Variants in PTPRD observed in about 807,000 individuals in gnomAD.
PTPRD encodes the protein receptor-type tyrosine-protein phosphatase delta.
A neutral mutation model predicts 214.5 loss-of-function variants in PTPRD; 34 were observed. The ratio of observed to expected loss-of-function variants is 0.16; its 90% CI spans 0.12 to 0.21. The LOEUF (loss-of-function observed/expected upper bound fraction) is 0.21, where lower values mean the gene tolerates loss of function less well. Ranked by LOEUF, PTPRD falls within the 10% of genes least tolerant of loss-of-function variation. PTPRD has a pLI of 1.00. For synonymous variants in PTPRD, 1,128 were observed against 845.7 expected (o/e 1.33, Z -5.79); for missense variants, 2,545 against 2,398.7 (o/e 1.06, Z -1.27).
At chr9:9,297,005 A>C (rs1035557483) in intron 9 of PTPRD, among the ~76,000 whole-genome samples, 2 of 151,772 alleles carry the variant, frequency 1.3e-5, no homozygotes, top group Admixed American at 6.6e-5. Flanking sequence ...CTGCACCTTT[A>C]AGCAGACTGA....
At chr9:10,239,904 C>T (rs1286606167) in intron 3 of PTPRD, among the ~76,000 whole-genome samples, 1 of 151,720 alleles carries the variant, frequency 6.6e-6, no homozygotes, top group African/African-American at 2.4e-5. Flanking sequence ...CCTTTTTCCC[C>T]AAAGCCAGCT....
chr9:9,233,378 T>G lies in PTPRD; in HGVS notation c.-202-50015A>C, dbSNP rs188692963. ...CCCAACAGGTCCCTTCCACAACATG[T>G]GGAAATTATGGGAACTACAATTCAA... On this transcript the variant is annotated intron_variant, in intron 9 of 45. Transcript: ENST00000381196. Among the ~76,000 whole-genome samples, 154 of 152,268 alleles carry G rather than the reference T, an allele frequency of 1.0e-3. 1 individual carries two copies. Among genetic ancestry groups the G allele is most frequent in the Admixed American group, 2.1e-3 (32 of 15,300 alleles).
chr9:8,348,351 T>C (rs1461857213), intron 39 of PTPRD, among the ~76,000 whole-genome samples: 2 of 152,170 alleles, frequency 1.3e-5, no homozygotes, highest in African/African-American at 4.8e-5. Flanking sequence ...TATGCATGGA[T>C]GCCACTTTTT....
chr9:8,315,563 C>A lies in PTPRD; in HGVS notation c.*2311G>T, dbSNP rs1821197583. 4.3e-6 allele frequency: 1 copy of A among 231,104 alleles called. No homozygotes were observed. Among genetic ancestry groups the A allele is most frequent in the East Asian group, 6.1e-5 (1 of 16,332 alleles). The allele number at this position is 231,104 out of a possible 1,614,324, so 14.3% of individuals were successfully genotyped here. A position where few individuals can be genotyped will look rare whatever the true frequency, so the allele number is the denominator to read the frequency against. On this transcript the variant is annotated 3_prime_UTR_variant, in exon 46 of 46. Coordinates refer to ENST00000381196, the MANE Select transcript of PTPRD (RefSeq NM_002839.4). ...ATAACAGACCCACATAGTGCACATT[C>A]TTCTCTGGTTCTGATGTAGGTTAGA...
intron 11 of PTPRD, among the ~76,000 whole-genome samples, chr9:8,774,506 CA>C (rs200404196): frequency 0.045 from 6,664 of 147,526 alleles, 409 homozygotes; most frequent in African/African-American, 0.14. Flanking sequence ...CACGCATAAC[CA>C]AAATGCATGT....
intron 9 of PTPRD, among the ~76,000 whole-genome samples, chr9:9,356,035 A>G (rs1459283294): frequency 6.6e-6 from 1 of 151,448 alleles, no homozygotes; most frequent in African/African-American, 2.4e-5. Context: ...GGTGACATTG[A>G]CAAGTTTTAG....
intron 10 of PTPRD, among the ~76,000 whole-genome samples, chr9:9,168,916 G>C (rs1444849970): frequency 1.3e-5 from 2 of 151,268 alleles, no homozygotes; most frequent in Non-Finnish European, 1.5e-5. Context: ...TAGTGAAGTA[G>C]AATGAAAATT....
chr9:8,500,136 G>A (rs1358068845), intron 24 of PTPRD, among the ~76,000 whole-genome samples: 1 of 151,156 alleles, frequency 6.6e-6, no homozygotes, highest in Non-Finnish European at 1.5e-5. Context: ...CAAGGAAGAT[G>A]CTTTGAGGTT....
At chr9:10,573,129 C>A (rs948532212) in intron 2 of PTPRD, among the ~76,000 whole-genome samples, 1 of 151,998 alleles carries the variant, frequency 6.6e-6, no homozygotes, top group East Asian at 1.9e-4. Flanking sequence ...ATACGTGATG[C>A]CTCCAACACC....
chr9:10,166,399 A>T (rs927806788), intron 3 of PTPRD, among the ~76,000 whole-genome samples: 3 of 151,898 alleles, frequency 2.0e-5, no homozygotes, highest in South Asian at 2.1e-4. Flanking sequence ...TTTACTTAAA[A>T]CATCATTTTC....
At chr9:8,389,872 T>G (rs1178686248) in intron 36 of PTPRD, among the ~76,000 whole-genome samples, 1 of 152,202 alleles carries the variant, frequency 6.6e-6, no homozygotes, top group Non-Finnish European at 1.5e-5. Flanking sequence ...AGGAAACTCA[T>G]ATATAAACTC....
intron 5 of PTPRD, among the ~76,000 whole-genome samples, chr9:9,935,847 C>A (rs1378369806): frequency 6.7e-6 from 1 of 149,204 alleles, no homozygotes; most frequent in Non-Finnish European, 1.5e-5. Context: ...GCTACAGTAA[C>A]CAAAACAGCA....
At chr9:8,523,143 G>C (rs1473031559) in intron 19 of PTPRD, among the ~76,000 whole-genome samples, 1 of 152,136 alleles carries the variant, frequency 6.6e-6, no homozygotes, top group African/African-American at 2.4e-5. Flanking sequence ...TCATGCTTGG[G>C]ATTAGGGGAG....
chr9:8,823,328 A>G (rs185950160), intron 11 of PTPRD, among the ~76,000 whole-genome samples: 109 of 152,244 alleles, frequency 7.2e-4, no homozygotes, highest in African/African-American at 2.5e-3. Flanking sequence ...ATGATTCACA[A>G]ACTTTTAACT....
At chr9:9,723,818 A>G (rs2098019071) in intron 7 of PTPRD, among the ~76,000 whole-genome samples, 1 of 152,136 alleles carries the variant, frequency 6.6e-6, no homozygotes. Context: ...GCTGTTCATT[A>G]CGAATGTATA....
chr9:10,514,655 T>C (rs2049403601), intron 2 of PTPRD, among the ~76,000 whole-genome samples: 1 of 151,936 alleles, frequency 6.6e-6, no homozygotes, highest in African/African-American at 2.4e-5. Flanking sequence ...GACTTTTTTT[T>C]CCTCTTGAGA....
At chr9:9,183,783 T>C (rs1283347379) in intron 9 of PTPRD, among the ~76,000 whole-genome samples, 1 of 152,024 alleles carries the variant, frequency 6.6e-6, no homozygotes, top group Admixed American at 6.6e-5. Flanking sequence ...GCCCCTAAGT[T>C]GTTAAGGGGA....
chr9:10,409,474 A>G (rs1458056323), intron 2 of PTPRD, among the ~76,000 whole-genome samples: 1 of 151,780 alleles, frequency 6.6e-6, no homozygotes, highest in Admixed American at 6.6e-5. Context: ...AAATATGAAC[A>G]TGACTAAAGA....
chr9:9,916,969 T>C (rs1186414181), intron 5 of PTPRD, among the ~76,000 whole-genome samples: 2 of 151,336 alleles, frequency 1.3e-5, no homozygotes, highest in Admixed American at 1.3e-4. Flanking sequence ...ATAATGGGTG[T>C]AGGAAAAAGT....
Sources: allele counts gnomAD v4.1 joint callset (sites outside exome capture counted in the v4.1 genomes callset), GRCh38; gene constraint gnomAD v4.1.1; transcripts MANE v1.5; gene names NCBI Gene and HGNC (gene_info 2026-07-23, HGNC 2026-07-21).